The following TEX9 variants were observed in gnomAD, a reference collection of about 807,000 sequenced individuals.
The protein encoded by TEX9 is testis expressed 9.
A neutral mutation model predicts 59.6 loss-of-function variants in TEX9; 74 were observed. The ratio of observed to expected loss-of-function variants is 1.24; its 90% confidence interval spans 1.03 to 1.51. The LOEUF is 1.51. Among genes scored for constraint, TEX9 ranks in the 40% most tolerant of loss-of-function variants. The pLI is 0.00. For synonymous variants in TEX9, 186 were observed against 152.2 expected (o/e 1.22, Z -1.64); for missense variants, 522 against 447.8 (o/e 1.17, Z -1.49).
intron 5 of TEX9, 126 bp from the exon 6 acceptor site, chr15:56,389,192 G>T: frequency 1.4e-6 from 1 of 731,318 alleles, no homozygotes; most frequent in Non-Finnish European, 2.4e-6. Flanking sequence ...ACACATTTTT[G>T]GTAATTCCAT....
intron 1 of TEX9, among the ~76,000 whole-genome samples, chr15:56,300,881 G>A (rs1275684812): frequency 6.6e-6 from 1 of 152,152 alleles, no homozygotes; most frequent in Non-Finnish European, 1.5e-5. Context: ...TTCCTAAGAA[G>A]AACAGGTACA....
At chr15:56,269,259 C>G (rs1355086223) in intron 1 of TEX9, among the ~76,000 whole-genome samples, 2 of 151,268 alleles carry the variant, frequency 1.3e-5, no homozygotes, top group Admixed American at 1.3e-4. Context: ...TTTTGTTGAT[C>G]TCAAAAAACC....
At chr15:56,379,682 T>G (rs1346961575) in intron 3 of TEX9, among the ~76,000 whole-genome samples, 5 of 152,204 alleles carry the variant, frequency 3.3e-5, no homozygotes, top group African/African-American at 1.2e-4. Context: ...AGCTCTCTCT[T>G]TAGCTCGAAT....
rs184076484 is a variant in TEX9, at chr15:56,367,993, A to G, written c.119+2323A>G. 2.2e-3 allele frequency among the ~76,000 whole-genome samples: 337 copies of G among 152,234 alleles called. 4 individuals are homozygous for G. The highest frequency in any genetic ancestry group is 1.6e-3 in the Non-Finnish European group (110 of 67,996). On this transcript the variant is annotated intron_variant, in intron 2 of 12. Coordinates refer to ENST00000352903, the Ensembl canonical transcript of TEX9. The stretch of plus-strand genomic sequence containing the variant: ...CATTTTGTCCCTTGATAATTCTCCT[A>G]CATTCTCTCTTTTTCTCTGTTTAGG...
intron 1 of TEX9, among the ~76,000 whole-genome samples, chr15:56,309,470 T>A (rs1190832850): frequency 6.6e-6 from 1 of 152,184 alleles, no homozygotes; most frequent in African/African-American, 2.4e-5. Context: ...TAGTATTTCG[T>A]TGATGGTTGT....
chr15:56,273,709 A>C (rs1400548287), intron 1 of TEX9, among the ~76,000 whole-genome samples: 5 of 152,186 alleles, frequency 3.3e-5, no homozygotes, highest in South Asian at 4.1e-4. Flanking sequence ...GCAACATATA[A>C]AATTCTGGTT....
chr15:56,341,491 C>T (rs1400310849), intron 1 of TEX9, among the ~76,000 whole-genome samples: 1 of 152,162 alleles, frequency 6.6e-6, no homozygotes, highest in African/African-American at 2.4e-5. Context: ...CCCTTAGGGT[C>T]TGCTTCTACC....
intron 4 of TEX9, among the ~76,000 whole-genome samples, chr15:56,385,487 A>G (rs935624548): frequency 4.6e-5 from 7 of 152,160 alleles, no homozygotes; most frequent in Admixed American, 1.3e-4. Context: ...AAAATGGCCC[A>G]TGGCAAAGAC....
At chr15:56,378,422 G>T (rs2047563390) in intron 3 of TEX9, among the ~76,000 whole-genome samples, 1 of 151,632 alleles carries the variant, frequency 6.6e-6, no homozygotes, top group African/African-American at 2.4e-5. Context: ...TTTAGTTTTG[G>T]ATTTCTTCAT....
At chr15:56,260,071 AC>A (rs1172788246) in intron 1 of TEX9, among the ~76,000 whole-genome samples, 1 of 152,138 alleles carries the variant, frequency 6.6e-6, no homozygotes, top group Non-Finnish European at 1.5e-5. Context: ...ACATACAAAT[AC>A]AATAGATTTT....
At chr15:56,307,380 T>G (rs1395692979) in intron 1 of TEX9, among the ~76,000 whole-genome samples, 1 of 152,196 alleles carries the variant, frequency 6.6e-6, no homozygotes, top group Admixed American at 6.5e-5. Flanking sequence ...TCTGGACAGC[T>G]GTTTCCAATT....
At chr15:56,281,035 G>A (rs1004829858) in intron 1 of TEX9, among the ~76,000 whole-genome samples, 4 of 152,118 alleles carry the variant, frequency 2.6e-5, no homozygotes, top group Non-Finnish European at 4.4e-5. Context: ...TAATGGGTAA[G>A]AAAGGCATTG....
At chr15:56,445,879 C>T (rs1171010061), downstream of TEX9, 5 of 152,036 alleles carry the variant, frequency 3.3e-5, no homozygotes, top group East Asian at 5.8e-4. Context: ...ACTGGACAAA[C>T]AGGACATTGT....
At chr15:56,450,791 T>C (rs1196934340), downstream of TEX9, among the ~76,000 whole-genome samples, 1 of 152,194 alleles carries the variant, frequency 6.6e-6, no homozygotes, top group African/African-American at 2.4e-5. Flanking sequence ...TGCTGGCTCA[T>C]ATGGTAATCC....
exon 1 of TEX9, chr15:56,365,455 C>T (rs780412697): frequency 3.1e-6 from 5 of 1,609,686 alleles, no homozygotes; most frequent in African/African-American, 1.3e-5. Context: ...CCGAAGATGG[C>T]GGGGCGAAGT....
At chr15:56,446,451 G>A (rs1435816997), downstream of TEX9, among the ~76,000 whole-genome samples, 1 of 151,722 alleles carries the variant, frequency 6.6e-6, no homozygotes, top group Non-Finnish European at 1.5e-5. Flanking sequence ...TTATAAAACT[G>A]GAAAGTTTCC....
At chr15:56,446,014 A>C (rs2050899185), downstream of TEX9, 1 of 152,020 alleles carries the variant, frequency 6.6e-6, no homozygotes, top group African/African-American at 2.4e-5. Flanking sequence ...TACCCGCTAG[A>C]CATTTTCTAT....
intron 1 of TEX9, among the ~76,000 whole-genome samples, chr15:56,249,773 A>AAAG (rs2043970609): frequency 6.7e-6 from 1 of 148,832 alleles, no homozygotes; most frequent in Non-Finnish European, 1.5e-5. Flanking sequence ...AAAAAAGAGG[A>AAAG]AAGAAGAAGC....
chr15:56,441,956 C>A (rs1231760707), intron 12 of TEX9, among the ~76,000 whole-genome samples: 2 of 151,838 alleles, frequency 1.3e-5, no homozygotes, highest in Non-Finnish European at 2.9e-5. Flanking sequence ...GGAGGCATAG[C>A]TTGCAGTGAG....
Sources: allele counts gnomAD v4.1 joint callset (sites outside exome capture counted in the v4.1 genomes callset), GRCh38; gene constraint gnomAD v4.1.1; transcripts MANE v1.5; gene names NCBI Gene and HGNC (gene_info 2026-07-23, HGNC 2026-07-21).